The following CDH12 variants were observed in gnomAD, a reference collection of about 807,000 sequenced individuals.
The protein encoded by CDH12 is cadherin 12, also known as cadherin-12.
A neutral mutation model predicts 74.1 loss-of-function variants in CDH12; 41 were observed. That is an observed-to-expected ratio of 0.55 (90% CI 0.43 to 0.72). CDH12 has a LOEUF of 0.72. Among genes scored for constraint, CDH12 ranks in the 30% least tolerant of loss-of-function variants. The pLI, the probability that CDH12 is intolerant of heterozygous loss-of-function variation, is 0.00. For synonymous variants in CDH12, 399 were observed against 355.0 expected, an observed-to-expected ratio of 1.12 and a Z score of -1.39; for missense variants, 945 against 977.2, an observed-to-expected ratio of 0.97 and a Z score of 0.44.
At chr5:22,282,908 T>C (rs1452576870) in intron 3 of CDH12, among the ~76,000 whole-genome samples, 1 of 152,092 alleles carries the variant, frequency 6.6e-6, no homozygotes, top group Admixed American at 6.6e-5. Flanking sequence ...CAAAGGATTA[T>C]AAATCATTCT....
At chr5:22,257,791 T>C (rs1753370702) in intron 3 of CDH12, among the ~76,000 whole-genome samples, 1 of 152,012 alleles carries the variant, frequency 6.6e-6, no homozygotes, top group South Asian at 2.1e-4. Flanking sequence ...CCACGACACC[T>C]GACTGCAAAT....
At chr5:21,852,912 A>T (rs1750548809) in intron 7 of CDH12, among the ~76,000 whole-genome samples, 1 of 151,432 alleles carries the variant, frequency 6.6e-6, no homozygotes, top group African/African-American at 2.4e-5. Context: ...AGGATACATA[A>T]CTATACAAGA....
At chr5:22,394,587 G>A (rs1742380459) in intron 3 of CDH12, among the ~76,000 whole-genome samples, 1 of 152,114 alleles carries the variant, frequency 6.6e-6, no homozygotes, top group African/African-American at 2.4e-5. Flanking sequence ...AGTTACAAAA[G>A]ATTAATTACT....
At chr5:22,444,902 C>A (rs1744764655) in intron 2 of CDH12, among the ~76,000 whole-genome samples, 1 of 151,732 alleles carries the variant, frequency 6.6e-6, no homozygotes, top group Non-Finnish European at 1.5e-5. Flanking sequence ...TGTTTTAGTG[C>A]TTATATAATA....
intron 6 of CDH12, among the ~76,000 whole-genome samples, chr5:21,961,616 T>C (rs542338105): frequency 3.3e-5 from 5 of 152,226 alleles, no homozygotes; most frequent in Non-Finnish European, 1.5e-5. Context: ...TCTAATCCAA[T>C]GTGATTGGTG....
chr5:22,380,149 A>G (rs1741698841), intron 3 of CDH12, among the ~76,000 whole-genome samples: 1 of 152,222 alleles, frequency 6.6e-6, no homozygotes, highest in Non-Finnish European at 1.5e-5. Flanking sequence ...ACAAAGAAAA[A>G]GAAAGGAGGG....
At chr5:22,610,053 A>T (rs1454332396) in intron 1 of CDH12, among the ~76,000 whole-genome samples, 4 of 152,256 alleles carry the variant, frequency 2.6e-5, no homozygotes, top group African/African-American at 9.6e-5. Flanking sequence ...TACAACTGCA[A>T]ACACTCCCTA....
intron 1 of CDH12, among the ~76,000 whole-genome samples, chr5:22,708,488 T>C (rs1429446633): frequency 6.6e-6 from 1 of 152,080 alleles, no homozygotes; most frequent in African/African-American, 2.4e-5. Context: ...TGGAGAAATG[T>C]GTAAAAGGGG....
chr5:21,838,787 A>T (rs1158879631), intron 8 of CDH12, among the ~76,000 whole-genome samples: 1 of 152,150 alleles, frequency 6.6e-6, no homozygotes, highest in East Asian at 1.9e-4. Flanking sequence ...AGCATACTCT[A>T]GCTTCTTTGC....
intron 2 of CDH12, among the ~76,000 whole-genome samples, chr5:22,422,622 T>G (rs1743703302): frequency 6.6e-6 from 1 of 152,190 alleles, no homozygotes; most frequent in African/African-American, 2.4e-5. Context: ...ATAAAAAGAT[T>G]TTTTTATATA....
chr5:22,769,958 G>A (rs140027036), intron 1 of CDH12, among the ~76,000 whole-genome samples: 8 of 151,658 alleles, frequency 5.3e-5, no homozygotes, highest in Middle Eastern at 6.8e-3. Flanking sequence ...ATACACGCAC[G>A]GACACACATA....
chr5:22,510,010 A>T (rs1276792988), intron 1 of CDH12, among the ~76,000 whole-genome samples: 3 of 152,116 alleles, frequency 2.0e-5, no homozygotes, highest in African/African-American at 7.2e-5. Flanking sequence ...AACAAGGAAA[A>T]AATTTAAAAA....
chr5:21,873,609 TG>T (rs1554039762), intron 6 of CDH12, among the ~76,000 whole-genome samples: 1 of 151,530 alleles, frequency 6.6e-6, no homozygotes, highest in Non-Finnish European at 1.5e-5. Context: ...TCCTCTTTTA[TG>T]TGCTATTTTT....
intron 4 of CDH12, among the ~76,000 whole-genome samples, chr5:22,098,011 C>T (rs1002750484): frequency 3.9e-5 from 6 of 152,170 alleles, no homozygotes; most frequent in Non-Finnish European, 8.8e-5. Flanking sequence ...TGCCTATCCA[C>T]CCCATGGTGC....
chr5:21,838,818 G>A (rs1749681503), intron 8 of CDH12, among the ~76,000 whole-genome samples: 1 of 152,148 alleles, frequency 6.6e-6, no homozygotes, highest in African/African-American at 2.4e-5. Context: ...TTGTCATCAT[G>A]CCCCTTTGCC....
At chr5:22,451,653 T>C (rs1286383059) in intron 2 of CDH12, among the ~76,000 whole-genome samples, 1 of 151,966 alleles carries the variant, frequency 6.6e-6, no homozygotes, top group African/African-American at 2.4e-5. Flanking sequence ...AGATCTGGAA[T>C]GAGACAAGGA....
At chr5:22,028,202 A>G (rs1738522355) in intron 5 of CDH12, among the ~76,000 whole-genome samples, 1 of 152,156 alleles carries the variant, frequency 6.6e-6, no homozygotes, top group South Asian at 2.1e-4. Context: ...AAATGACACA[A>G]GACAGGGATG....
chr5:22,171,014 A>G (rs1748991113), intron 4 of CDH12, among the ~76,000 whole-genome samples: 1 of 151,844 alleles, frequency 6.6e-6, no homozygotes, highest in African/African-American at 2.4e-5. Context: ...GTCCACAAAT[A>G]CTTGGGTCTT....
At chr5:21,905,806 C>G (rs1753616128) in intron 6 of CDH12, among the ~76,000 whole-genome samples, 1 of 152,124 alleles carries the variant, frequency 6.6e-6, no homozygotes, top group Non-Finnish European at 1.5e-5. Context: ...CTTTATTTCT[C>G]CTTATTGCAC....
Sources: gnomAD v4.1 joint callset for allele counts (sites outside exome capture counted in the v4.1 genomes callset) on GRCh38, gnomAD v4.1.1 for gene constraint, MANE v1.5 for transcripts, NCBI Gene and HGNC (gene_info 2026-07-23, HGNC 2026-07-21) for gene names.